Variants in CDH12 observed in about 807,000 individuals in gnomAD.
CDH12 encodes cadherin 12.
In CDH12, 41 loss-of-function variants were observed where a neutral mutation model predicts 74.1. The observed-to-expected ratio is 0.55, with a 90% CI of 0.43 to 0.72. The LOEUF (loss-of-function observed/expected upper bound fraction) is 0.72. Ranked by LOEUF, CDH12 falls within the 30% of genes least tolerant of loss-of-function variation. The pLI, the probability that CDH12 is intolerant of heterozygous loss-of-function variation, is 0.00. For synonymous variants in CDH12, 399 were observed against 355.0 expected, an observed-to-expected ratio of 1.12 and a Z score of -1.39; for missense variants, 945 against 977.2, an observed-to-expected ratio of 0.97 and a Z score of 0.44.
chr5:21,776,392 A>G (rs753275164), intron 11 of CDH12, among the ~76,000 whole-genome samples: 8 of 152,210 alleles, frequency 5.3e-5, no homozygotes, highest in East Asian at 1.9e-4. Flanking sequence ...GTAACATAGC[A>G]TAAGTAACTA....
chr5:21,755,531 AG>A, intron 14 of CDH12, 59 bp downstream of exon 14: 1 of 1,471,886 alleles, frequency 6.8e-7, no homozygotes, highest in Non-Finnish European at 9.4e-7. Flanking sequence ...GAGGAGAGAG[AG>A]GGGAAAAAAA....
chr5:22,204,172 T>G (rs28589761), intron 4 of CDH12, among the ~76,000 whole-genome samples: 10,040 of 147,698 alleles, frequency 0.068, 550 homozygotes, highest in South Asian at 0.16. Flanking sequence ...GTTTTTTTTT[T>G]TTTGTTTTTT....
chr5:22,302,009 G>GGAGAGA (rs36001047), intron 3 of CDH12, among the ~76,000 whole-genome samples: 28 of 145,468 alleles, frequency 1.9e-4, no homozygotes, highest in South Asian at 8.7e-4. Context: ...ATATATATAT[G>GGAGAGA]GAGAGAGAGA....
chr5:22,229,143 T>C (rs1202645189), intron 3 of CDH12, among the ~76,000 whole-genome samples: 1 of 151,000 alleles, frequency 6.6e-6, no homozygotes, highest in African/African-American at 2.5e-5. Context: ...TTTTCTTTTT[T>C]TTTTTTTAGT....
At chr5:21,893,436 C>A (rs748792055) in intron 6 of CDH12, among the ~76,000 whole-genome samples, 1 of 152,148 alleles carries the variant, frequency 6.6e-6, no homozygotes, top group Non-Finnish European at 1.5e-5. Context: ...GCAGACATAT[C>A]TCTTTGTAAG....
chr5:22,349,007 G>A (rs1428010878), intron 3 of CDH12, among the ~76,000 whole-genome samples: 2 of 152,182 alleles, frequency 1.3e-5, no homozygotes, highest in Non-Finnish European at 2.9e-5. Flanking sequence ...ATTGGGAGGT[G>A]ATTAAGTCAT....
chr5:22,672,007 A>G (rs1276267998), intron 1 of CDH12, among the ~76,000 whole-genome samples: 1 of 142,246 alleles, frequency 7.0e-6, no homozygotes, highest in Non-Finnish European at 1.5e-5. Context: ...TGAAGCATTT[A>G]TATATATGAA....
At chr5:22,281,709 C>T (rs1449828764) in intron 3 of CDH12, among the ~76,000 whole-genome samples, 1 of 152,046 alleles carries the variant, frequency 6.6e-6, no homozygotes, top group Admixed American at 6.6e-5. Flanking sequence ...AACCACTGCT[C>T]AAGGAAATCA....
At chr5:22,009,897 G>C (rs955732699) in intron 5 of CDH12, among the ~76,000 whole-genome samples, 5 of 125,082 alleles carry the variant, frequency 4.0e-5, no homozygotes, top group African/African-American at 1.6e-4. Flanking sequence ...AGAATTGCTT[G>C]AACCTGGGAG....
intron 1 of CDH12, among the ~76,000 whole-genome samples, chr5:22,688,195 T>C (rs1248341111): frequency 6.6e-6 from 1 of 152,206 alleles, no homozygotes; most frequent in Non-Finnish European, 1.5e-5. Flanking sequence ...AGTGGAATGC[T>C]GTCAAGATGT....
chr5:22,096,097 C>G (rs767877622), intron 4 of CDH12, among the ~76,000 whole-genome samples: 1 of 151,966 alleles, frequency 6.6e-6, no homozygotes, highest in Non-Finnish European at 1.5e-5. Flanking sequence ...TATGGGCAAC[C>G]CTTCATTCCT....
intron 3 of CDH12, among the ~76,000 whole-genome samples, chr5:22,244,794 AAG>A (rs1391568944): frequency 1.5e-5 from 1 of 68,824 alleles, no homozygotes; most frequent in South Asian, 3.6e-4. Context: ...GAAAGAAAGA[AAG>A]AAAGAAAAAT....
chr5:22,786,284 G>T lies in CDH12; in HGVS notation c.-523+66774C>A, dbSNP rs554251830. Reference sequence around the variant, plus strand: ...AGTGATGAGAACACATGGGCACATAGAGGGGAATAACATATAATAGGGCCA... The same window carrying T: ...AGTGATGAGAACACATGGGCACATATAGGGGAATAACATATAATAGGGCCA... On this transcript the variant is annotated intron_variant, in intron 1 of 14. Coordinates refer to ENST00000382254, the MANE Select transcript of CDH12 (RefSeq NM_004061.5). Among the ~76,000 whole-genome samples the T allele has an allele frequency of 3.1e-4, 47 of 152,306 alleles. 1 individual carries two copies. Among genetic ancestry groups the T allele is most frequent in the African/African-American group, 9.9e-4 (41 of 41,580 alleles).
chr5:22,815,790 T>A lies in CDH12; in HGVS notation c.-523+37268A>T, dbSNP rs1406329463. Among the ~76,000 whole-genome samples the A allele has an allele frequency of 1.5e-3, 195 of 129,706 alleles. 1 individual carries two copies. Among genetic ancestry groups the A allele is most frequent in the Non-Finnish European group, 2.1e-3 (122 of 57,732 alleles). The allele number at this position is 129,706 out of a possible 152,430, so 85.1% of individuals were successfully genotyped here. A position where few individuals can be genotyped will look rare whatever the true frequency, so the allele number is the denominator to read the frequency against. On this transcript the variant is annotated intron_variant, in intron 1 of 14. Coordinates refer to ENST00000382254, the MANE Select transcript of CDH12 (RefSeq NM_004061.5). Reference sequence around the variant, plus strand: ...GTCTCAAAAAAAAAAAAAAAATAAATAAATAATAAAAATAAAAAAACATGA... The same window carrying A: ...GTCTCAAAAAAAAAAAAAAAATAAAAAAATAATAAAAATAAAAAAACATGA...
chr5:21,766,408 A>G (rs1411679854), intron 11 of CDH12, among the ~76,000 whole-genome samples: 1 of 151,972 alleles, frequency 6.6e-6, no homozygotes, highest in Non-Finnish European at 1.5e-5. Context: ...ATATTATTTA[A>G]AAATTGATAT....
At chr5:22,103,593 T>C (rs1744269916) in intron 4 of CDH12, among the ~76,000 whole-genome samples, 1 of 152,208 alleles carries the variant, frequency 6.6e-6, no homozygotes, top group African/African-American at 2.4e-5. Context: ...AGCTAATCGT[T>C]TATTGCTTAT....
In CDH12 at chr5:21,864,378, G is replaced by A. The variant is rs116428856; in HGVS notation, c.527-9588C>T. On this transcript the variant is annotated intron_variant, in intron 6 of 14. Coordinates refer to ENST00000382254, the MANE Select transcript of CDH12 (RefSeq NM_004061.5). ...GTGGGTAGATACCATACAATCAGTT[G>A]GAAGCCCAAATAGAACAACAATAAC... Among the ~76,000 whole-genome samples the A allele has an allele frequency of 7.4e-3, 1,123 of 152,182 alleles. 13 individuals carry two copies. The highest frequency in any genetic ancestry group is 0.026 in the African/African-American group (1,074 of 41,522).
chr5:22,143,849 G>T (rs1298196440), intron 4 of CDH12: 1 of 152,172 alleles, frequency 6.6e-6, no homozygotes, highest in Admixed American at 6.6e-5. Flanking sequence ...GTGACTGTTT[G>T]CATATACTTC....
At chr5:22,682,599 A>G (rs1322434506) in intron 1 of CDH12, among the ~76,000 whole-genome samples, 1 of 152,082 alleles carries the variant, frequency 6.6e-6, no homozygotes, top group East Asian at 1.9e-4. Flanking sequence ...ACCATTTACA[A>G]GCTTAACTCC....
Sources: gnomAD v4.1 joint callset for allele counts (sites outside exome capture counted in the v4.1 genomes callset) on GRCh38, gnomAD v4.1.1 for gene constraint, MANE v1.5 for transcripts, NCBI Gene and HGNC (gene_info 2026-07-23, HGNC 2026-07-21) for gene names.